AUTS2: variants seen among roughly 807,000 people sequenced by gnomAD.
AUTS2 encodes activator of transcription and developmental regulator AUTS2.
Under a neutral mutation model 112.4 loss-of-function variants are expected in AUTS2, and 17 were observed. The observed-to-expected ratio is 0.15, with a 90% CI of 0.10 to 0.23. AUTS2 has a LOEUF of 0.23. Ranked by LOEUF, AUTS2 falls within the 10% of genes least tolerant of loss-of-function variation. The pLI, the probability that AUTS2 is intolerant of heterozygous loss-of-function variation, is 1.00. For missense variants in AUTS2, 1,510 were observed against 1,701.6 expected (o/e 0.89, Z 1.98); for synonymous variants, 751 against 702.7 (o/e 1.07, Z -1.09).
At chr7:70,438,548 C>T (rs1562957429) in intron 5 of AUTS2, among the ~76,000 whole-genome samples, 1 of 152,166 alleles carries the variant, frequency 6.6e-6, no homozygotes, top group Non-Finnish European at 1.5e-5. Flanking sequence ...GCCATTGAGA[C>T]TCTAATTGCC....
At chr7:69,622,355 C>T (rs182700844) in intron 1 of AUTS2, among the ~76,000 whole-genome samples, 54 of 152,236 alleles carry the variant, frequency 3.5e-4, no homozygotes, top group African/African-American at 1.1e-3. Context: ...ATATCTAAAA[C>T]GAGGGAATAT....
chr7:70,181,437 A>G lies in AUTS2; in HGVS notation c.660+46866A>G, dbSNP rs186325666. ...TCTTCTCACCTATCTTCTTATTTTTATTTCACTCCTCCTTTGTCATATTTC... is the reference window on the plus strand; with the variant it reads ...TCTTCTCACCTATCTTCTTATTTTTGTTTCACTCCTCCTTTGTCATATTTC... On this transcript the variant is annotated intron_variant, in intron 4 of 18. Coordinates refer to ENST00000342771, the MANE Select transcript of AUTS2 (RefSeq NM_015570.4). Among the ~76,000 whole-genome samples, 47 of 148,532 alleles carry G rather than the reference A, an allele frequency of 3.2e-4. No homozygotes were observed. The East Asian group carries it at 8.8e-3, about 28-fold the overall frequency.
intron 5 of AUTS2, among the ~76,000 whole-genome samples, chr7:70,456,275 GCTTTTA>G (rs1217022227): frequency 1.3e-5 from 2 of 152,088 alleles, no homozygotes; most frequent in Non-Finnish European, 2.9e-5. Context: ...ACACCTAAAA[GCTTTTA>G]CTTTTACTTT....
intron 5 of AUTS2, among the ~76,000 whole-genome samples, chr7:70,603,484 C>A (rs1054139622): frequency 2.0e-5 from 3 of 152,144 alleles, no homozygotes; most frequent in Non-Finnish European, 4.4e-5. Flanking sequence ...GGTCTGGCAC[C>A]CTGGCCTCTG....
chr7:70,300,067 G>A (rs559664451), intron 4 of AUTS2, among the ~76,000 whole-genome samples: 12 of 152,242 alleles, frequency 7.9e-5, no homozygotes, highest in Non-Finnish European at 1.2e-4. Flanking sequence ...TGCATCATGC[G>A]TGTGTATATG....
intron 2 of AUTS2, among the ~76,000 whole-genome samples, chr7:70,027,972 C>T (rs1213205602): frequency 6.6e-6 from 1 of 152,126 alleles, no homozygotes; most frequent in East Asian, 1.9e-4. Flanking sequence ...GGAATTAAGA[C>T]AGTCATAATG....
Position 70,027,460 on chromosome 7 carries a change from C to T in AUTS2, c.523-90672C>T, listed in dbSNP as rs373951484. Among the ~76,000 whole-genome samples, 12 of 152,282 alleles carry T rather than the reference C, an allele frequency of 7.9e-5. No homozygotes were observed. In the East Asian group the frequency reaches 2.1e-3, roughly 27 times the overall value. ...CCTCCATTACTAAGTCTTCATCCAG[C>T]CCCTATGTCATTGGTTCTCAAAGTG... On this transcript the variant is annotated intron_variant, in intron 2 of 18. Transcript: ENST00000342771.
In AUTS2 at chr7:70,143,723, T is replaced by C. The variant is rs147574980; in HGVS notation, c.660+9152T>C. Among the ~76,000 whole-genome samples, 101 of 152,278 alleles carry C rather than the reference T, an allele frequency of 6.6e-4. 2 individuals carry two copies. In the East Asian group the frequency reaches 0.017, roughly 26 times the overall value. On this transcript the variant is annotated intron_variant, in intron 4 of 18. Coordinates refer to ENST00000342771, the MANE Select transcript of AUTS2 (RefSeq NM_015570.4). The stretch of plus-strand genomic sequence containing the variant: ...TGTAGGGATTGTGGCTGTTTTCAAG[T>C]AGAAACATTGCCAAAGGTGATGACT...
chr7:70,765,295 G>C (rs1037279977), intron 8 of AUTS2, among the ~76,000 whole-genome samples: 1 of 152,176 alleles, frequency 6.6e-6, no homozygotes, highest in Non-Finnish European at 1.5e-5. Context: ...GTCAGACCCA[G>C]GTAGTGTGTC....
chr7:69,651,325 T>G (rs1317601285), intron 1 of AUTS2, among the ~76,000 whole-genome samples: 1 of 152,162 alleles, frequency 6.6e-6, no homozygotes, highest in Non-Finnish European at 1.5e-5. Flanking sequence ...GAACAGCAGA[T>G]TTTTCTGAGC....
At chr7:70,698,536 A>G in intron 5 of AUTS2, 33 bp from the exon 6 acceptor site, 1 of 1,573,238 alleles carries the variant, frequency 6.4e-7, no homozygotes, top group Non-Finnish European at 8.7e-7. Flanking sequence ...TAATGACAAT[A>G]ATAATGCTTT....
At chr7:69,858,951 C>T (rs1792856343) in intron 1 of AUTS2, among the ~76,000 whole-genome samples, 1 of 152,144 alleles carries the variant, frequency 6.6e-6, no homozygotes, top group African/African-American at 2.4e-5. Flanking sequence ...ACTTAACTTC[C>T]TGGAAACCGC....
At chr7:70,782,733 G>A (rs1415727397) in intron 15 of AUTS2, 3 of 152,228 alleles carry the variant, frequency 2.0e-5, no homozygotes, top group Admixed American at 1.3e-4. Context: ...TGATCCTTAC[G>A]AGACAAGTCT....
intron 4 of AUTS2, among the ~76,000 whole-genome samples, chr7:70,230,985 T>C (rs750718493): frequency 6.6e-6 from 1 of 152,152 alleles, no homozygotes; most frequent in African/African-American, 2.4e-5. Context: ...AACTAGGGAG[T>C]GGGAGTAGCA....
At chr7:70,360,469 TAGTC>T (rs1792210710) in intron 4 of AUTS2, among the ~76,000 whole-genome samples, 1 of 152,164 alleles carries the variant, frequency 6.6e-6, no homozygotes, top group African/African-American at 2.4e-5. Flanking sequence ...GGGTCCTTGT[TAGTC>T]AGCTTTTTTC....
intron 4 of AUTS2, among the ~76,000 whole-genome samples, chr7:70,325,246 A>G (rs866968076): frequency 4.3e-4 from 66 of 152,174 alleles, no homozygotes; most frequent in Middle Eastern, 3.4e-3. Context: ...ATCGCTTGAG[A>G]ACAGGAGTTT....
chr7:69,651,886 C>G (rs1795306151), intron 1 of AUTS2, among the ~76,000 whole-genome samples: 1 of 152,182 alleles, frequency 6.6e-6, no homozygotes, highest in Admixed American at 6.5e-5. Flanking sequence ...CAGGTCTGCA[C>G]TAATTTCTGG....
At chr7:70,542,132 A>G (rs1010135687) in intron 5 of AUTS2, among the ~76,000 whole-genome samples, 2 of 152,208 alleles carry the variant, frequency 1.3e-5, no homozygotes. Context: ...CTCACTGAAT[A>G]CAGACCTGTT....
chr7:70,784,995 T>C lies in AUTS2; in HGVS notation c.2200T>C (p.Phe734Leu). The C allele has an allele frequency of 6.2e-7, 1 of 1,614,184 alleles. No homozygotes were observed. The highest frequency in any genetic ancestry group is 2.2e-5 in the East Asian group (1 of 44,866). ...PFGPPPHHSN[F>L]LNPAAHLEPF... The stretch of plus-strand genomic sequence containing the variant: ...TGGGCCACCTCCTCATCACAGCAAC[T>C]TCCTCAACCCTGCTGCCCACCTAGG... Residue 734 changes from phenylalanine (F) to leucine (L), a missense_variant, in exon 16 of 19, where the codon TTC becomes CTC. Physicochemically the swap from Phe to Leu is conservative, Grantham distance 22. Around this residue, in one of 3 missense-constraint regions of AUTS2, gnomAD observed 788 missense variants for 797.6 expected, o/e 0.99. Coordinates refer to ENST00000342771, the MANE Select transcript of AUTS2 (RefSeq NM_015570.4).
Sources: gnomAD v4.1 joint callset for allele counts (sites outside exome capture counted in the v4.1 genomes callset) on GRCh38, gnomAD v4.1.1 for gene constraint, gnomAD v4.1.1 regional missense constraint, MANE v1.5 for transcripts, NCBI Gene and HGNC (gene_info 2026-07-23, HGNC 2026-07-21) for gene names.